CCNY: variants seen among roughly 807,000 people sequenced by gnomAD.
CCNY encodes the protein cyclin Y.
CCNY carries 19 observed loss-of-function variants against 42.8 expected under a neutral mutation model. That is an observed-to-expected ratio of 0.44 (90% CI 0.31 to 0.65). CCNY has a LOEUF of 0.65. CCNY is among the 30% of genes least tolerant of loss of function. The probability of loss-of-function intolerance (pLI) is 0.07; values close to 1 mark genes in which losing one functional copy is unlikely to be tolerated. For synonymous variants in CCNY, 165 were observed against 162.7 expected (o/e 1.01, Z -0.11); for missense variants, 370 against 437.3 (o/e 0.85, Z 1.37).
chr10:35,264,774 C>T (rs1251552592), intron 3 of CCNY, among the ~76,000 whole-genome samples: 1 of 152,072 alleles, frequency 6.6e-6, no homozygotes, highest in Non-Finnish European at 1.5e-5. Context: ...CCTGTCTCAG[C>T]CTCCTAAGTA....
intron 1 of CCNY, among the ~76,000 whole-genome samples, chr10:35,403,757 G>A (rs1264574642): frequency 2.6e-5 from 4 of 152,206 alleles, no homozygotes; most frequent in Non-Finnish European, 5.9e-5. Flanking sequence ...AAGGCAATGA[G>A]TTCGGCTTGC....
At chr10:35,401,051 G>C (rs779396734) in intron 1 of CCNY, among the ~76,000 whole-genome samples, 20 of 152,246 alleles carry the variant, frequency 1.3e-4, no homozygotes, top group African/African-American at 4.3e-4. Context: ...CAGCACCTAG[G>C]GTGGAGGCCC....
At chr10:35,382,986 A>C (rs1372669630) in intron 1 of CCNY, among the ~76,000 whole-genome samples, 1 of 152,192 alleles carries the variant, frequency 6.6e-6, no homozygotes, top group Non-Finnish European at 1.5e-5. Flanking sequence ...CTGACCCTGA[A>C]CACCTTGGGT....
intron 7 of CCNY, among the ~76,000 whole-genome samples, chr10:35,545,542 T>C (rs887339278): frequency 2.6e-5 from 4 of 152,312 alleles, no homozygotes; most frequent in South Asian, 4.1e-4. Flanking sequence ...CCCAATCATA[T>C]TGTGTTAGGT....
intron 1 of CCNY, among the ~76,000 whole-genome samples, chr10:35,442,680 A>G (rs538285284): frequency 4.6e-5 from 7 of 152,172 alleles, no homozygotes; most frequent in Non-Finnish European, 7.4e-5. Context: ...AGTATGAGTA[A>G]TGAATTTGGG....
intron 1 of CCNY, among the ~76,000 whole-genome samples, chr10:35,457,757 G>T (rs1012891613): frequency 4.6e-5 from 7 of 151,786 alleles, no homozygotes; most frequent in African/African-American, 1.7e-4. Context: ...ATTTTTTTTT[G>T]TATTTTTAGT....
At position 35,351,543 on chromosome 10, in the gene CCNY, A is replaced by G. The variant is rs149522006; in HGVS notation, c.154+14336A>G. 4.0e-4 allele frequency among the ~76,000 whole-genome samples: 61 copies of G among 152,332 alleles called. 2 individuals are homozygous for G. In the East Asian group the frequency reaches 0.011, roughly 27 times the overall value. ...TATCAGCTGTTTTTCAGATGCAACT[A>G]ATCTAGAAAGTTTGTTTGCACAAAA... On this transcript the variant is annotated intron_variant, in intron 1 of 9. Coordinates refer to ENST00000374704, the MANE Select transcript of CCNY (RefSeq NM_145012.6).
chr10:35,313,284 C>A (rs977427927), intron 3 of CCNY, among the ~76,000 whole-genome samples: 40 of 152,158 alleles, frequency 2.6e-4, no homozygotes, highest in Non-Finnish European at 4.7e-4. Flanking sequence ...TAGTATATAC[C>A]ATTTTCACAA....
chr10:35,538,455 C>T (rs1023590030), intron 7 of CCNY, among the ~76,000 whole-genome samples: 1 of 152,156 alleles, frequency 6.6e-6, no homozygotes, highest in Non-Finnish European at 1.5e-5. Context: ...TCAGTTTCTC[C>T]ACATCGCATC....
At chr10:35,524,345 C>T (rs1840606426) in intron 4 of CCNY, among the ~76,000 whole-genome samples, 2 of 152,194 alleles carry the variant, frequency 1.3e-5, no homozygotes, top group Non-Finnish European at 2.9e-5. Context: ...TGTATTAGCA[C>T]TTATTTGCTC....
At chr10:35,478,117 T>C (rs1342495873) in intron 1 of CCNY, among the ~76,000 whole-genome samples, 16 of 150,188 alleles carry the variant, frequency 1.1e-4, no homozygotes, top group East Asian at 1.0e-3. Flanking sequence ...AACTACAAAC[T>C]GCTGCTCAAG....
chr10:35,311,977 CTCTG>C (rs1330836046), intron 3 of CCNY, among the ~76,000 whole-genome samples: 27 of 152,046 alleles, frequency 1.8e-4, no homozygotes, highest in Admixed American at 1.6e-3. Context: ...CAGAGCAAGA[CTCTG>C]TCTAAAAAAA....
chr10:35,296,109 T>G (rs2135068246), intron 3 of CCNY, among the ~76,000 whole-genome samples: 1 of 152,208 alleles, frequency 6.6e-6, no homozygotes, highest in Admixed American at 6.5e-5. Context: ...ATATCACAAC[T>G]AGAGGAACTA....
At chr10:35,406,372 T>C (rs182577328) in intron 1 of CCNY, among the ~76,000 whole-genome samples, 3,557 of 152,088 alleles carry the variant, frequency 0.023, 143 homozygotes, top group African/African-American at 0.08. Context: ...CAGAGGACCC[T>C]GTGGCCTTCC....
intron 3 of CCNY, among the ~76,000 whole-genome samples, chr10:35,284,433 T>A (rs1835331591): frequency 6.6e-6 from 1 of 152,224 alleles, no homozygotes; most frequent in Non-Finnish European, 1.5e-5. Context: ...TCATAGTATT[T>A]CCTTATAGTG....
At chr10:35,333,441 A>T (rs1835969036), upstream of CCNY, among the ~76,000 whole-genome samples, 1 of 152,206 alleles carries the variant, frequency 6.6e-6, no homozygotes, top group African/African-American at 2.4e-5. Context: ...GATTAGTACT[A>T]GTCCTAAGTG....
chr10:35,337,503 T>A (rs1184199161), intron 1 of CCNY, among the ~76,000 whole-genome samples: 2 of 151,942 alleles, frequency 1.3e-5, no homozygotes, highest in East Asian at 3.9e-4. Context: ...GCCCTCGTCC[T>A]TAATGGAGCG....
chr10:35,380,126 A>C (rs1259129159), intron 1 of CCNY, among the ~76,000 whole-genome samples: 1 of 152,196 alleles, frequency 6.6e-6, no homozygotes, highest in East Asian at 1.9e-4. Flanking sequence ...CTTGAACTCC[A>C]ACAGATACTG....
chr10:35,319,108 G>A (rs1430741601), intron 3 of CCNY, among the ~76,000 whole-genome samples: 6 of 151,942 alleles, frequency 3.9e-5, no homozygotes, highest in Non-Finnish European at 8.8e-5. Context: ...GACCAGAGGT[G>A]TGCGCCACCA....
Sources: gnomAD v4.1 joint callset for allele counts (sites outside exome capture counted in the v4.1 genomes callset) on GRCh38, gnomAD v4.1.1 for gene constraint, MANE v1.5 for transcripts, NCBI Gene and HGNC (gene_info 2026-07-23, HGNC 2026-07-21) for gene names.